MLC1: variants seen among roughly 807,000 people sequenced by gnomAD.
MLC1 encodes membrane protein MLC1.
A neutral mutation model predicts 44.7 loss-of-function variants in MLC1; 32 were observed. That is an observed-to-expected ratio of 0.72 (90% confidence interval 0.54 to 0.96). MLC1 has a LOEUF of 0.96. Among genes scored for constraint, MLC1 ranks in the 40% least tolerant of loss-of-function variants. The pLI is 0.00. For synonymous variants in MLC1, 190 were observed against 213.0 expected (o/e 0.89, Z 0.94); for missense variants, 459 against 492.2 (o/e 0.93, Z 0.64).
chr22:50,082,687 G>A (rs1341204233), intron 3 of MLC1, among the ~76,000 whole-genome samples: 4 of 152,162 alleles, frequency 2.6e-5, no homozygotes, highest in African/African-American at 4.8e-5. Flanking sequence ...GTTTTGAGAC[G>A]AAGTTTCACT....
intron 7 of MLC1, 63 bp from the exon 8 acceptor site, chr22:50,074,395 G>T: frequency 7.2e-7 from 1 of 1,385,192 alleles, no homozygotes; most frequent in Non-Finnish European, 1.0e-6. Flanking sequence ...TTCCCAGAAT[G>T]CACTGTGCAG....
At chr22:50,082,965 C>T in intron 3 of MLC1, 119 bp downstream of exon 3, 2 of 1,030,770 alleles carry the variant, frequency 1.9e-6, no homozygotes, top group Non-Finnish European at 3.0e-6. Context: ...GTGCCCGGCC[C>T]ATATGAAGAG....
chr22:50,082,371 G>A (rs1017594735), intron 3 of MLC1, among the ~76,000 whole-genome samples: 3 of 152,234 alleles, frequency 2.0e-5, no homozygotes, highest in Non-Finnish European at 2.9e-5. Flanking sequence ...AGGGGACAGC[G>A]GTTGTCTGTC....
intron 9 of MLC1, among the ~76,000 whole-genome samples, chr22:50,068,819 C>T (rs1233450923): frequency 2.0e-5 from 3 of 151,242 alleles, no homozygotes; most frequent in Non-Finnish European, 4.4e-5. Flanking sequence ...CTCCGCCTCC[C>T]GGGTTCAAGT....
chr22:50,068,616 C>A, intron 9 of MLC1, 61 bp from the exon 10 acceptor site: 1 of 819,884 alleles, frequency 1.2e-6, no homozygotes, highest in Non-Finnish European at 1.9e-6. Context: ...GGACAGCGGG[C>A]GTGGCCAGGG....
At chr22:50,064,936 C>T (rs1808259901) in intron 10 of MLC1, among the ~76,000 whole-genome samples, 2 of 149,518 alleles carry the variant, frequency 1.3e-5, no homozygotes, top group African/African-American at 4.9e-5. Context: ...TAACATAAAA[C>T]TTTTTTTTGC....
rs41302601 is a variant in MLC1, at chr22:50,074,276, G to A, written c.654C>T (p.Asn218=). 4.6e-5 allele frequency: 74 copies of A among 1,614,102 alleles called. No homozygotes were observed. Among genetic ancestry groups the A allele is most frequent in the South Asian group, 7.7e-5 (7 of 91,052 alleles). The change falls in exon 8 of 12, where the codon AAC becomes AAT. Residue 218 remains asparagine (N), a synonymous_variant. Transcript: ENST00000311597. Reference sequence around the variant, plus strand: ...GTGGGCCTGAAACTGAGTCATCCACGTTCAGGGCAATGATCCCCCCGAGGA... The same window carrying A: ...GTGGGCCTGAAACTGAGTCATCCACATTCAGGGCAATGATCCCCCCGAGGA... ...SAVLGGIIAL[N]VDDSVSGPHL...
intron 5 of MLC1, among the ~76,000 whole-genome samples, chr22:50,077,909 G>C (rs999739312): frequency 6.6e-6 from 1 of 152,040 alleles, no homozygotes; most frequent in Non-Finnish European, 1.5e-5. Context: ...GGCCCTGACC[G>C]TATTGGCAGT....
At chr22:50,081,038 A>AAAGAAAGAAAGAAAGAAAGAAAGG in intron 3 of MLC1, among the ~76,000 whole-genome samples, 1 of 125,152 alleles carries the variant, frequency 8.0e-6, no homozygotes. Context: ...AGAAAGAAAG[A>AAAGAAAGAAAGAAAGAAAGAAAGG]AAGAAAGAAA....
Position 50,080,373 on chromosome 22 carries a change from A to G in MLC1, c.292T>C (p.Phe98Leu). The change falls in exon 4 of 12, where the codon TTC becomes CTC. Residue 98 changes from phenylalanine to leucine, a missense_variant. By Grantham distance (22) the Phe-to-Leu change is conservative. Transcript: ENST00000311597. ...TTGGCGTTCCTCCTGGAGACGGTGA[A>G]GCTCACAATTGCCGAGGGGATGCAC... Reference protein sequence around the residue: ...GSCIPSAIVSFTVSRRNANVI... With the variant: ...GSCIPSAIVSLTVSRRNANVI... The G allele has an allele frequency of 1.2e-6, 2 of 1,607,788 alleles. No individual in the cohort carries two copies. The highest frequency in any genetic ancestry group is 1.7e-5 in the Admixed American group (1 of 59,438).
intron 5 of MLC1, among the ~76,000 whole-genome samples, chr22:50,077,819 G>A (rs568094198): frequency 4.6e-5 from 7 of 152,290 alleles, no homozygotes; most frequent in Non-Finnish European, 7.4e-5. Flanking sequence ...AAGCCTTCAC[G>A]GAATGTTTAG....
At chr22:50,075,074 T>C (rs2061945720) in intron 7 of MLC1, among the ~76,000 whole-genome samples, 2 of 152,062 alleles carry the variant, frequency 1.3e-5, no homozygotes, top group Admixed American at 1.3e-4. Context: ...TAAGCCCTGG[T>C]TGTGGACTCA....
chr22:50,073,323 T>G (rs929701216), intron 8 of MLC1, among the ~76,000 whole-genome samples: 1 of 152,146 alleles, frequency 6.6e-6, no homozygotes, highest in Non-Finnish European at 1.5e-5. Context: ...AACACCGGTG[T>G]GCAGGCCACT....
In MLC1 at chr22:50,084,976, T is replaced by C; in HGVS notation, c.-59-15A>G. 6.3e-7 allele frequency: 1 copy of C among 1,584,590 alleles called. No homozygotes were observed. ...CAGTTCTTTATCTGGAATAAAATTA[T>C]CATCGGCTTTGGCCACTCTGAGGAA... On this transcript the variant is annotated splice_polypyrimidine_tract_variant and intron_variant, in intron 1 of 11. Transcript: ENST00000311597.
At chr22:50,074,471 G>A in intron 7 of MLC1, 139 bp from the exon 8 acceptor site, 4 of 762,090 alleles carry the variant, frequency 5.2e-6, no homozygotes, top group Non-Finnish European at 9.1e-6. Context: ...GAGCCCACCT[G>A]GATGGACCCC....
intron 10 of MLC1, among the ~76,000 whole-genome samples, chr22:50,065,694 G>C (rs1174075027): frequency 6.6e-6 from 1 of 152,200 alleles, no homozygotes; most frequent in Non-Finnish European, 1.5e-5. Flanking sequence ...CCTCTGTGGG[G>C]GGCTGTGGAG....
intron 10 of MLC1, among the ~76,000 whole-genome samples, chr22:50,066,150 C>T (rs1194198434): frequency 3.3e-5 from 5 of 151,936 alleles, no homozygotes; most frequent in South Asian, 2.1e-4. Flanking sequence ...CCAGCTCAGG[C>T]GACAGAGTGA....
chr22:50,084,255 G>A (rs546043795), intron 2 of MLC1, among the ~76,000 whole-genome samples: 7 of 152,198 alleles, frequency 4.6e-5, no homozygotes, highest in African/African-American at 9.6e-5. Context: ...GGCGCTGCCC[G>A]TCCACCCCAG....
intron 10 of MLC1, among the ~76,000 whole-genome samples, chr22:50,068,056 G>C (rs2146808343): frequency 6.6e-6 from 1 of 152,322 alleles, no homozygotes; most frequent in South Asian, 2.1e-4. Context: ...CTCCTACTGG[G>C]TCAGCTCAAA....
Sources: allele counts gnomAD v4.1 joint callset (sites outside exome capture counted in the v4.1 genomes callset), GRCh38; gene constraint gnomAD v4.1.1; transcripts MANE v1.5; gene names NCBI Gene and HGNC (gene_info 2026-07-23, HGNC 2026-07-21).